The following DNAH8 variants were observed in gnomAD, a reference collection of about 807,000 sequenced individuals.
The protein encoded by DNAH8 is axonemal beta dynein heavy chain 8.
A neutral mutation model predicts 562.1 loss-of-function variants in DNAH8; 382 were observed. That is an observed-to-expected ratio of 0.68 (90% confidence interval 0.63 to 0.74). The LOEUF (loss-of-function observed/expected upper bound fraction) is 0.74, where lower values mean the gene tolerates loss of function less well. Among genes scored for constraint, DNAH8 ranks in the 30% least tolerant of loss-of-function variants. DNAH8 has a pLI of 0.00. For synonymous variants in DNAH8, 1,881 were observed against 1,919.4 expected, an observed-to-expected ratio of 0.98 and a Z score of 0.52; for missense variants, 5,203 against 5,620.4, an observed-to-expected ratio of 0.93 and a Z score of 2.37.
intron 3 of DNAH8, among the ~76,000 whole-genome samples, chr6:38,728,534 A>G (rs979371134): frequency 6.6e-6 from 1 of 151,582 alleles, no homozygotes; most frequent in Non-Finnish European, 1.5e-5. Flanking sequence ...GAGAATTTGT[A>G]TGATTTCAAA....
rs544864449 is a variant in DNAH8, at chr6:38,805,684, G to A, written c.3150+88G>A. ...CCCCATATGGTGCTTTTTCCAGGCA[G>A]TTCTGCAACCAATCTAATTTCTAAC... On this transcript the variant is annotated intron_variant, in intron 23 of 92. Coordinates refer to ENST00000327475, the MANE Select transcript of DNAH8 (RefSeq NM_001206927.2). 1.8e-5 allele frequency: 12 copies of A among 669,576 alleles called. No homozygotes were observed. The Admixed American group carries it at 3.6e-4, about 20-fold the overall frequency. 41.5% of individuals were successfully genotyped at this position (669,576 alleles called of 1,614,324 possible).
At chr6:38,914,707 G>A (rs1160046489) in intron 67 of DNAH8, among the ~76,000 whole-genome samples, 1 of 151,992 alleles carries the variant, frequency 6.6e-6, no homozygotes, top group African/African-American at 2.4e-5. Flanking sequence ...TCAGCTTCCA[G>A]TCACCAAGAG....
chr6:38,867,752 C>CAAAAAAAAA (rs68060910), intron 47 of DNAH8, among the ~76,000 whole-genome samples: 3 of 88,756 alleles, frequency 3.4e-5, no homozygotes, highest in African/African-American at 8.8e-5. Context: ...GACTCCATCT[C>CAAAAAAAAA]AAAAAAAAAA....
chr6:38,961,746 G>A (rs184232993), intron 82 of DNAH8, among the ~76,000 whole-genome samples: 51 of 151,962 alleles, frequency 3.4e-4, no homozygotes, highest in Non-Finnish European at 1.0e-4. Context: ...ACTTATTGGC[G>A]AACAACTAGA....
At chr6:38,853,940 G>C (rs554366341) in intron 41 of DNAH8, among the ~76,000 whole-genome samples, 38 of 151,974 alleles carry the variant, frequency 2.5e-4, no homozygotes, top group African/African-American at 8.9e-4. Flanking sequence ...TCTACTAAAT[G>C]CATATTGCTT....
intron 13 of DNAH8, among the ~76,000 whole-genome samples, chr6:38,777,020 T>G (rs1037891730): frequency 1.3e-5 from 2 of 152,166 alleles, no homozygotes; most frequent in South Asian, 4.1e-4. Context: ...AAAAATTCTT[T>G]AAAAACTACA....
At chr6:38,867,310 C>G (rs1777113801) in intron 47 of DNAH8, among the ~76,000 whole-genome samples, 1 of 151,910 alleles carries the variant, frequency 6.6e-6, no homozygotes, top group Non-Finnish European at 1.5e-5. Flanking sequence ...ACAAGGTTCC[C>G]TCATGCTACT....
intron 88 of DNAH8, among the ~76,000 whole-genome samples, chr6:39,004,044 C>A (rs983145059): frequency 6.6e-6 from 1 of 151,738 alleles, no homozygotes; most frequent in African/African-American, 2.4e-5. Flanking sequence ...ACCAGTTACC[C>A]TAGAAATTTT....
intron 4 of DNAH8, among the ~76,000 whole-genome samples, chr6:38,732,324 T>C (rs1035553740): frequency 3.3e-5 from 5 of 152,198 alleles, no homozygotes; most frequent in Non-Finnish European, 7.3e-5. Context: ...ATGGCTATCC[T>C]GGGGGCCAGG....
Position 38,807,706 on chromosome 6 carries a change from T to C in DNAH8, c.3247T>C (p.Phe1083Leu). 1.3e-6 allele frequency: 2 copies of C among 1,518,746 alleles called. No homozygotes were observed. The highest frequency in any genetic ancestry group is 1.8e-6 in the Non-Finnish European group (2 of 1,134,868). 94.1% of individuals were successfully genotyped at this position (1,518,746 alleles called of 1,614,324 possible). Reference protein sequence around the residue: ...LSLDTMKRRIFVASLYGRKQS... With the variant: ...LSLDTMKRRILVASLYGRKQS... ...TCTGGACACAATGAAAAGAAGAATA[T>C]TTGTTGCAAGGCAAGTTGAAAATAT... The change falls in exon 24 of 93, where the codon TTT (phenylalanine) becomes CTT (leucine). Residue 1083 changes from phenylalanine to leucine, a missense_variant. Coordinates refer to ENST00000327475, the MANE Select transcript of DNAH8 (RefSeq NM_001206927.2).
At chr6:38,970,349 G>T (rs955263632) in intron 82 of DNAH8, among the ~76,000 whole-genome samples, 11 of 152,102 alleles carry the variant, frequency 7.2e-5, no homozygotes, top group Admixed American at 5.9e-4. Context: ...AGGCTGGGTG[G>T]GATTCTTTTC....
chr6:38,748,023 T>C (rs986650002), intron 8 of DNAH8, among the ~76,000 whole-genome samples: 1 of 152,252 alleles, frequency 6.6e-6, no homozygotes, highest in Non-Finnish European at 1.5e-5. Context: ...CCACAATTTA[T>C]TTATCTATTA....
At chr6:38,839,803 T>C (rs1738195) in intron 33 of DNAH8, among the ~76,000 whole-genome samples, 32,184 of 151,890 alleles carry the variant, frequency 0.21, 4,280 homozygotes, top group African/African-American at 0.37. Context: ...GCTGGGATTA[T>C]AGGCATGTGC....
intron 88 of DNAH8, among the ~76,000 whole-genome samples, chr6:39,005,246 T>C (rs1051333460): frequency 2.6e-4 from 40 of 152,090 alleles, no homozygotes; most frequent in South Asian, 2.1e-4. Flanking sequence ...ACCCCCTCTC[T>C]ACTAAAGTAC....
chr6:38,900,008 A>G (rs562997300), intron 62 of DNAH8, 102 bp downstream of exon 62: 1 of 1,070,622 alleles, frequency 9.3e-7, no homozygotes, highest in African/African-American at 1.6e-5. Context: ...ATTTCTTTTT[A>G]AGGTAAACTT....
intron 9 of DNAH8, among the ~76,000 whole-genome samples, chr6:38,755,098 C>G (rs1765790004): frequency 6.6e-6 from 1 of 152,000 alleles, no homozygotes; most frequent in African/African-American, 2.4e-5. Context: ...TTCATGTTTA[C>G]CTTAACAGGG....
chr6:39,019,895 G>A (rs1251060891), intron 91 of DNAH8, among the ~76,000 whole-genome samples: 1 of 152,154 alleles, frequency 6.6e-6, no homozygotes, highest in Non-Finnish European at 1.5e-5. Flanking sequence ...AAGGGTGGAG[G>A]AACAGCTGGG....
At chr6:38,950,189 C>CGTGTGTGTGTGTGT (rs10546857) in intron 81 of DNAH8, among the ~76,000 whole-genome samples, 2 of 144,018 alleles carry the variant, frequency 1.4e-5, no homozygotes, top group African/African-American at 2.6e-5. Flanking sequence ...TGTGTGTCTG[C>CGTGTGTGTGTGTGT]GTGTGTGTGT....
At chr6:38,811,910 T>TG (rs960150282) in intron 24 of DNAH8, among the ~76,000 whole-genome samples, 2 of 152,160 alleles carry the variant, frequency 1.3e-5, no homozygotes, top group African/African-American at 4.8e-5. Flanking sequence ...GGAGAGATAC[T>TG]GGGGGTATGG....
Sources: allele counts gnomAD v4.1 joint callset (sites outside exome capture counted in the v4.1 genomes callset), GRCh38; gene constraint gnomAD v4.1.1; transcripts MANE v1.5; gene names NCBI Gene and HGNC (gene_info 2026-07-23, HGNC 2026-07-21).